Variants in CACNA1G observed in about 807,000 individuals in gnomAD.
CACNA1G encodes the protein voltage-dependent T-type calcium channel subunit alpha-1G.
Under a neutral mutation model 219.4 loss-of-function variants are expected in CACNA1G, and 67 were observed. That is an observed-to-expected ratio of 0.31 (90% CI 0.25 to 0.37). The LOEUF is 0.37. CACNA1G is among the 10% of genes least tolerant of loss of function. CACNA1G has a pLI of 1.00. For synonymous variants in CACNA1G, 1,296 were observed against 1,345.3 expected, an observed-to-expected ratio of 0.96 and a Z score of 0.80; for missense variants, 2,380 against 3,231.4, an observed-to-expected ratio of 0.74 and a Z score of 6.39.
Position 50,626,077 on chromosome 17 carries a change from G to T in CACNA1G, c.6460G>T (p.Ala2154Ser). Reference sequence around the variant, plus strand: ...TCTGGGCAGCCGGGAAGACCTGCTGGCAGAGGTGAGTGGGCCCTCCCCGCC... The same window carrying T: ...TCTGGGCAGCCGGGAAGACCTGCTGTCAGAGGTGAGTGGGCCCTCCCCGCC... Reference protein sequence around the residue: ...QGLGSREDLLAEVSGPSPPLA... With the variant: ...QGLGSREDLLSEVSGPSPPLA... Residue 2154 changes from alanine (A) to serine (S), a missense_variant, in exon 38 of 38, where the codon GCA (alanine) becomes TCA (serine). By Grantham distance (99) the Ala-to-Ser change is moderately conservative. Coordinates refer to ENST00000359106, the MANE Select transcript of CACNA1G (RefSeq NM_018896.5). This position sits in a 1 kb window ranked among gnomAD's most constrained non-coding sequence, Gnocchi z 4.3. 1 of 1,613,562 alleles carries T rather than the reference G, an allele frequency of 6.2e-7. No homozygotes were observed.
At chr17:50,579,327 G>A (rs1418383081) in intron 9 of CACNA1G, among the ~76,000 whole-genome samples, 1 of 152,122 alleles carries the variant, frequency 6.6e-6, no homozygotes, top group Non-Finnish European at 1.5e-5. Flanking sequence ...ACAAGCAATA[G>A]GATCTGGGCT....
Position 50,618,477 on chromosome 17 carries a change from C to T in CACNA1G, c.5427+134C>T. The stretch of plus-strand genomic sequence containing the variant: ...CCCCGTGCTAGAACACTCTGGAACT[C>T]CCTCTCCCAGGAACATGCTCTGACT... On this transcript the variant is annotated intron_variant, in intron 32 of 37. Coordinates refer to ENST00000359106, the MANE Select transcript of CACNA1G (RefSeq NM_018896.5). The surrounding 1 kb of genome is among the most constrained non-coding windows in gnomAD (Gnocchi z 5.3). 1 of 1,293,080 alleles carries T rather than the reference C, an allele frequency of 7.7e-7. No individual in the cohort carries two copies. The highest frequency in any genetic ancestry group is 1.5e-5 in the African/African-American group (1 of 68,672). 80.1% of individuals were successfully genotyped at this position (1,293,080 alleles called of 1,614,324 possible).
At chr17:50,615,832 T>A (rs371973772) in intron 27 of CACNA1G, among the ~76,000 whole-genome samples, 13 of 152,342 alleles carry the variant, frequency 8.5e-5, no homozygotes, top group African/African-American at 2.9e-4. Context: ...GATGGATGCC[T>A]GCCCTTCTGG....
chr17:50,561,825 T>TGAG lies in CACNA1G; in HGVS notation c.242+125_242+126insAGG, dbSNP rs1191084876. On this transcript the variant is annotated intron_variant, in intron 1 of 37. Transcript: ENST00000359106. Reference sequence around the variant, plus strand: ...GAAGTGAGCCCGGAGGGTAGGCGGATGGGGGGGGGGCTGCCAGGGAGGGGA... The same window carrying TGAG: ...GAAGTGAGCCCGGAGGGTAGGCGGATGAGGGGGGGGGGGCTGCCAGGGAGGGGA... 1,103 of 17,626 alleles carry TGAG rather than the reference T, an allele frequency of 0.063. 10 individuals are homozygous for TGAG. The highest frequency in any genetic ancestry group is 0.083 in the African/African-American group (314 of 3,762). The allele number at this position is 17,626 out of a possible 1,614,324, so 1.1% of individuals were successfully genotyped here.
chr17:50,624,430 T>G lies in CACNA1G; in HGVS notation c.6300T>G (p.Pro2100=). Residue 2100 remains proline, a synonymous_variant, in exon 37 of 38, where the codon CCT becomes CCG. Transcript: ENST00000359106. ...TCCTGCAGCTTCCCAAAGATGCACC[T>G]CATCTGCTCCAGCCCCACAGCGCCC... ...SYILQLPKDA[P]HLLQPHSAPT... is the part of the protein sequence containing the mutation. 6.4e-7 allele frequency: 1 copy of G among 1,562,248 alleles called. No individual in the cohort carries two copies. Among genetic ancestry groups the G allele is most frequent in the Non-Finnish European group, 8.7e-7 (1 of 1,153,826 alleles).
rs115948156 is a variant in CACNA1G, at chr17:50,588,976, C to T, written c.2302-1495C>T. On this transcript the variant is annotated intron_variant, in intron 9 of 37. Coordinates refer to ENST00000359106, the MANE Select transcript of CACNA1G (RefSeq NM_018896.5). Reference sequence around the variant, plus strand: ...CCTGGCTGCAGGCTTGGTTGGGCAGCTGGCCAGCGAGACAGTGAGAAGCAA... The same window carrying T: ...CCTGGCTGCAGGCTTGGTTGGGCAGTTGGCCAGCGAGACAGTGAGAAGCAA... Among the ~76,000 whole-genome samples, 752 of 152,342 alleles carry T rather than the reference C, an allele frequency of 4.9e-3. 5 individuals carry two copies. The highest frequency in any genetic ancestry group is 0.017 in the African/African-American group (693 of 41,558).
chr17:50,574,888 T>C lies in CACNA1G; in HGVS notation c.1141-655T>C, dbSNP rs576424588. 7.9e-5 allele frequency among the ~76,000 whole-genome samples: 12 copies of C among 152,172 alleles called. No homozygotes were observed. In the South Asian group the frequency reaches 2.5e-3, roughly 32 times the overall value. ...TGAGCAAGTCAGGTGGCAGCCTGAC[T>C]AGTCTGTAGGGTCAAGGGTTCAGCC... On this transcript the variant is annotated intron_variant, in intron 7 of 37. Transcript: ENST00000359106.
At position 50,607,085 on chromosome 17, in the gene CACNA1G, C is replaced by T. The variant is rs767077538; in HGVS notation, c.4512+96C>T. 1.2e-5 allele frequency: 11 copies of T among 952,228 alleles called. No individual in the cohort carries two copies. The African/African-American group carries it at 1.6e-4, about 14-fold the overall frequency. 59.0% of individuals were successfully genotyped at this position (952,228 alleles called of 1,614,324 possible). A position where few individuals can be genotyped will look rare whatever the true frequency, so the allele number is the denominator to read the frequency against. Reference sequence around the variant, plus strand: ...AGAGCAAGGCAGGGTGGCAAAATGCCATGAAAGAAGCATCATATTTTACAG... The same window carrying T: ...AGAGCAAGGCAGGGTGGCAAAATGCTATGAAAGAAGCATCATATTTTACAG... On this transcript the variant is annotated intron_variant, in intron 24 of 37. Transcript: ENST00000359106.
At chr17:50,622,953 C>A (rs910380367) in intron 35 of CACNA1G, among the ~76,000 whole-genome samples, 3 of 152,116 alleles carry the variant, frequency 2.0e-5, no homozygotes, top group Non-Finnish European at 4.4e-5. Context: ...GTGCTGGGAC[C>A]TGGGGCTGCT....
chr17:50,599,513 G>C lies in CACNA1G; in HGVS notation c.3344G>C (p.Arg1115Pro). 1 of 1,608,840 alleles carries C rather than the reference G, an allele frequency of 6.2e-7. No individual in the cohort carries two copies. The highest frequency in any genetic ancestry group is 8.5e-7 in the Non-Finnish European group (1 of 1,177,920). Residue 1115 changes from arginine (R) to proline (P), a missense_variant, in exon 17 of 38, where the codon CGT (arginine) becomes CCT (proline). By Grantham distance (103) the Arg-to-Pro change is moderately radical. This residue lies in a region of CACNA1G where 418 missense variants were observed against 434.3 expected (regional missense o/e 0.96). Coordinates refer to ENST00000359106, the MANE Select transcript of CACNA1G (RefSeq NM_018896.5). ...CGCTCCAGCCGGAACAGCCTCGGCC[G>C]TGCACCCAGCCTGAAGCGGAGAAGC... ...SRRSSRNSLG[R>P]APSLKRRSPS...
In CACNA1G at chr17:50,596,989, A is replaced by T. The variant is rs1039315082; in HGVS notation, c.3258+66A>T. The stretch of plus-strand genomic sequence containing the variant: ...CCAAGGAGGACAGGAGGAAGAGAGG[A>T]TGGAGGCAGGCGGGTCCAAGGGCAC... On this transcript the variant is annotated intron_variant, in intron 16 of 37. Transcript: ENST00000359106. The surrounding 1 kb of genome is among the most constrained non-coding windows in gnomAD (Gnocchi z 4.8). The T allele has an allele frequency of 4.3e-5, 60 of 1,404,806 alleles. No homozygotes were observed. Among genetic ancestry groups the T allele is most frequent in the Non-Finnish European group, 5.6e-5 (59 of 1,054,766 alleles). 87.0% of individuals were successfully genotyped at this position (1,404,806 alleles called of 1,614,324 possible). A position where few individuals can be genotyped will look rare whatever the true frequency, so the allele number is the denominator to read the frequency against.
At chr17:50,605,829 G>A in intron 22 of CACNA1G, 69 bp from the exon 23 acceptor site, 2 of 1,575,368 alleles carry the variant, frequency 1.3e-6, no homozygotes, top group Non-Finnish European at 1.7e-6. Context: ...CGTGGGGGTG[G>A]GGCTCAGGAG....
In CACNA1G at chr17:50,586,830, G is replaced by C. The variant is rs79483836; in HGVS notation, c.2302-3641G>C. Among the ~76,000 whole-genome samples the C allele has an allele frequency of 9.5e-4, 144 of 152,362 alleles. 2 individuals are homozygous for C. In the East Asian group the frequency reaches 0.015, roughly 16 times the overall value. On this transcript the variant is annotated intron_variant, in intron 9 of 37. Transcript: ENST00000359106. ...GCAGCTATGAGGCTTGGGGAGCCCC[G>C]GTGCTGGGAAGTACTGAGCAGCTTA...
chr17:50,580,781 C>T (rs1451458767), intron 9 of CACNA1G, among the ~76,000 whole-genome samples: 1 of 152,142 alleles, frequency 6.6e-6, no homozygotes, highest in Non-Finnish European at 1.5e-5. Context: ...GAGCGGGAGT[C>T]CCCAGCAGGC....
At chr17:50,574,839 G>A (rs1263863750) in intron 7 of CACNA1G, among the ~76,000 whole-genome samples, 1 of 152,158 alleles carries the variant, frequency 6.6e-6, no homozygotes, top group Non-Finnish European at 1.5e-5. Flanking sequence ...AAACTGAGGC[G>A]TGGAGATGGG....
At chr17:50,624,289 G>A (rs946334967) in intron 36 of CACNA1G, 71 bp from the exon 37 acceptor site, 81 of 1,384,126 alleles carry the variant, frequency 5.9e-5, no homozygotes, top group Admixed American at 9.9e-5. Flanking sequence ...GCTCAGGTGA[G>A]AACCTGCTCC....
In CACNA1G at chr17:50,560,916, G is replaced by A. The variant is rs2035423149; in HGVS notation, c.-544G>A. ...GGACAGTGAGCCCGCGGCGGGGCGG[G>A]GGAAGGAGCCGCCCCCACCCCCTCC... is the stretch of plus-strand genomic sequence containing the variant. On this transcript the variant is annotated 5_prime_UTR_variant, in exon 1 of 38. Coordinates refer to ENST00000359106, the MANE Select transcript of CACNA1G (RefSeq NM_018896.5). Among the ~76,000 whole-genome samples, 1 of 151,694 alleles carries A rather than the reference G, an allele frequency of 6.6e-6. No individual in the cohort carries two copies. The highest frequency in any genetic ancestry group is 1.5e-5 in the Non-Finnish European group (1 of 67,774).
chr17:50,594,894 G>A (rs1393312362), intron 13 of CACNA1G, 99 bp from the exon 14 acceptor site: 6 of 831,882 alleles, frequency 7.2e-6, no homozygotes, highest in Admixed American at 4.2e-5. Flanking sequence ...TGGGGTTTGC[G>A]CCCCTCCTTT....
At chr17:50,576,372 T>TG in intron 8 of CACNA1G, 46 bp downstream of exon 8, 1 of 1,534,408 alleles carries the variant, frequency 6.5e-7, no homozygotes, top group Non-Finnish European at 8.8e-7. Context: ...GTCTGGGGAC[T>TG]GGGTGGCGTC....
Sources: allele counts gnomAD v4.1 joint callset (sites outside exome capture counted in the v4.1 genomes callset), GRCh38; gene constraint gnomAD v4.1.1; regional missense constraint gnomAD v4.1.1; non-coding constraint Gnocchi (gnomAD v3.1); transcripts MANE v1.5; gene names NCBI Gene and HGNC (gene_info 2026-07-23, HGNC 2026-07-21).